The following DCAF8L2 variants were observed in gnomAD, a reference collection of about 807,000 sequenced individuals.
DCAF8L2 encodes the protein DDB1 and CUL4 associated factor 8 like 2.
For missense variants in DCAF8L2, 430 were observed against 490.7 expected (o/e 0.88, Z 1.17); for synonymous variants, 200 against 190.9 (o/e 1.05, Z -0.39).
At chrX:27,574,089 G>A in the DCAF8L2 span, among the ~76,000 whole-genome samples, 4 of 109,279 alleles carry the variant, frequency 3.7e-5, no homozygotes, top group Non-Finnish European at 7.6e-5. Flanking sequence ...TTGTCTCAGC[G>A]TCCTGAGTAG....
chrX:27,593,771 G>A (rs1278293786), intron 1 of DCAF8L2, among the ~76,000 whole-genome samples: 1 of 112,110 alleles, frequency 8.9e-6, no homozygotes, highest in African/African-American at 3.2e-5. Context: ...TGGAGAGAGC[G>A]GCATGTATCC....
chrX:27,732,890 G>A (rs989405277), intron 4 of DCAF8L2, among the ~76,000 whole-genome samples: 3 of 110,665 alleles, frequency 2.7e-5, no homozygotes, highest in Admixed American at 9.7e-5. Context: ...AAGGAGTCTC[G>A]CTCTGTTGCC....
chrX:27,547,845 TTCTCTCTC>T, the DCAF8L2 span, among the ~76,000 whole-genome samples: 12 of 46,289 alleles, frequency 2.6e-4, no homozygotes, highest in Non-Finnish European at 4.8e-4. Flanking sequence ...CTCTCTCTCT[TTCTCTCTC>T]TCTCTCTCTC....
intron 2 of DCAF8L2, among the ~76,000 whole-genome samples, chrX:27,659,624 AT>A (rs751060311): frequency 3.7e-5 from 4 of 108,404 alleles, no homozygotes; most frequent in East Asian, 5.9e-4. Flanking sequence ...AGCTCTCTTC[AT>A]TTTTTTTTCC....
chrX:27,609,130 A>T (rs1380201695), intron 1 of DCAF8L2, among the ~76,000 whole-genome samples: 1 of 111,962 alleles, frequency 8.9e-6, no homozygotes, highest in Non-Finnish European at 1.9e-5. Flanking sequence ...ATTATCTTGT[A>T]TCTTTTTCAC....
At chrX:27,519,556 A>G in the DCAF8L2 span, 1 of 721,219 alleles carries the variant, frequency 1.4e-6, no homozygotes, top group Non-Finnish European at 2.2e-6. Context: ...TGTGATGTCT[A>G]CCCTCTCTCC....
At chrX:27,633,951 G>A (rs1318947633) in intron 2 of DCAF8L2, among the ~76,000 whole-genome samples, 2 of 111,431 alleles carry the variant, frequency 1.8e-5, no homozygotes, top group African/African-American at 6.5e-5. Context: ...TGGAGAGGCT[G>A]TTTGACAACC....
chrX:27,493,484 G>T, the DCAF8L2 span, among the ~76,000 whole-genome samples: 1 of 110,068 alleles, frequency 9.1e-6, no homozygotes, highest in Non-Finnish European at 1.9e-5. Context: ...GCCGATACAG[G>T]TGGATCCCCT....
At chrX:27,624,677 A>G (rs1052913009) in intron 1 of DCAF8L2, among the ~76,000 whole-genome samples, 2 of 111,441 alleles carry the variant, frequency 1.8e-5, no homozygotes, top group Non-Finnish European at 3.8e-5. Flanking sequence ...GTAGAATAGA[A>G]TAGAGAACCC....
the DCAF8L2 span, among the ~76,000 whole-genome samples, chrX:27,501,388 A>G: frequency 9.1e-6 from 1 of 110,274 alleles, no homozygotes; most frequent in Non-Finnish European, 1.9e-5. Context: ...TAACACATAC[A>G]TGAGCTCAAA....
At chrX:27,656,338 A>G (rs1339015993) in intron 2 of DCAF8L2, among the ~76,000 whole-genome samples, 1 of 112,059 alleles carries the variant, frequency 8.9e-6, no homozygotes. Flanking sequence ...TAAAAACCTC[A>G]TGTTTAGAAA....
intron 1 of DCAF8L2, among the ~76,000 whole-genome samples, chrX:27,611,738 C>T (rs771357162): frequency 5.4e-5 from 6 of 110,364 alleles, no homozygotes; most frequent in Admixed American, 9.8e-5. Context: ...ATGATGGTTT[C>T]CAGCTTCATC....
chrX:27,608,898 A>T (rs1426039801), intron 1 of DCAF8L2, among the ~76,000 whole-genome samples: 1 of 110,677 alleles, frequency 9.0e-6, no homozygotes, highest in Non-Finnish European at 1.9e-5. Context: ...ATAGAATGAC[A>T]TTGCGTACTA....
intron 3 of DCAF8L2, among the ~76,000 whole-genome samples, chrX:27,714,164 G>C (rs1931618892): frequency 1.8e-5 from 2 of 111,169 alleles, no homozygotes; most frequent in Non-Finnish European, 3.8e-5. Flanking sequence ...CCTATTCCAT[G>C]CTCTGCTTAC....
the DCAF8L2 span, among the ~76,000 whole-genome samples, chrX:27,497,838 A>T: frequency 8.9e-6 from 1 of 111,957 alleles, no homozygotes; most frequent in Non-Finnish European, 1.9e-5. Flanking sequence ...AAGTGCTGGG[A>T]TTACAGGCGT....
the DCAF8L2 span, among the ~76,000 whole-genome samples, chrX:27,558,853 G>A: frequency 9.5e-6 from 1 of 104,965 alleles, no homozygotes; most frequent in African/African-American, 3.5e-5. Context: ...TCATCAGGCT[G>A]TGTTCCAACA....
chrX:27,643,102 A>G (rs1460345467), intron 2 of DCAF8L2, among the ~76,000 whole-genome samples: 2 of 112,147 alleles, frequency 1.8e-5, no homozygotes, highest in African/African-American at 6.5e-5. Flanking sequence ...ACTAGTAGTG[A>G]GATTGCTGGA....
intron 1 of DCAF8L2, among the ~76,000 whole-genome samples, chrX:27,624,277 G>A (rs1473080463): frequency 9.0e-6 from 1 of 111,243 alleles, no homozygotes; most frequent in Non-Finnish European, 1.9e-5. Context: ...GTACCAAATT[G>A]TTAGAAGACC....
At chrX:27,544,325 C>T in the DCAF8L2 span, among the ~76,000 whole-genome samples, 1 of 111,963 alleles carries the variant, frequency 8.9e-6, no homozygotes, top group African/African-American at 3.2e-5. Flanking sequence ...GACTCTGTGG[C>T]ACATTAATAC....
Sources: allele counts gnomAD v4.1 joint callset (sites outside exome capture counted in the v4.1 genomes callset), GRCh38; gene constraint gnomAD v4.1.1; transcripts MANE v1.5; gene names NCBI Gene and HGNC (gene_info 2026-07-23, HGNC 2026-07-21).